Variants in RSRC1 observed in about 807,000 individuals in gnomAD.
RSRC1 encodes serine/Arginine-related protein 53.
A neutral mutation model predicts 49.1 loss-of-function variants in RSRC1; 39 were observed. The observed-to-expected ratio is 0.79, with a 90% CI of 0.61 to 1.04. The LOEUF (loss-of-function observed/expected upper bound fraction) is 1.04. RSRC1 is among the 50% of genes least tolerant of loss of function. RSRC1 has a pLI of 0.00. For synonymous variants in RSRC1, 143 were observed against 130.8 expected, an observed-to-expected ratio of 1.09 and a Z score of -0.63; for missense variants, 388 against 402.4, an observed-to-expected ratio of 0.96 and a Z score of 0.31.
intron 4 of RSRC1, among the ~76,000 whole-genome samples, chr3:158,256,786 G>T (rs1403608676): frequency 1.3e-5 from 2 of 152,044 alleles, no homozygotes; most frequent in African/African-American, 4.8e-5. Flanking sequence ...AGTTCGTCCT[G>T]GTTTAGTCTT....
chr3:158,199,480 G>A (rs1720896560), intron 3 of RSRC1, among the ~76,000 whole-genome samples: 1 of 152,014 alleles, frequency 6.6e-6, no homozygotes, highest in African/African-American at 2.4e-5. Flanking sequence ...CAGGGTACTA[G>A]ATTTTGACTT....
At chr3:158,120,380 A>T (rs1385315046) in intron 1 of RSRC1, among the ~76,000 whole-genome samples, 1 of 151,630 alleles carries the variant, frequency 6.6e-6, no homozygotes, top group African/African-American at 2.4e-5. Flanking sequence ...GTCCTAAGAG[A>T]TTTTTTCAAC....
chr3:158,280,251 G>A (rs531898094), intron 4 of RSRC1, among the ~76,000 whole-genome samples: 1 of 152,232 alleles, frequency 6.6e-6, no homozygotes, highest in Non-Finnish European at 1.5e-5. Flanking sequence ...GAGCGAGCAT[G>A]ACAGTGGAAT....
chr3:158,478,746 G>A (rs1020439593), intron 7 of RSRC1, among the ~76,000 whole-genome samples: 1 of 151,962 alleles, frequency 6.6e-6, no homozygotes, highest in Non-Finnish European at 1.5e-5. Context: ...AACCTAGTTA[G>A]TAGAAATGAT....
chr3:158,114,872 G>A lies in RSRC1; in HGVS notation c.-3+4649G>A, dbSNP rs537632466. ...TTTTGTATCCTGAAACATTACTGAAGTTGCTTGTCAGCTTAATAAGCTTTT... is the reference window on the plus strand; with the variant it reads ...TTTTGTATCCTGAAACATTACTGAAATTGCTTGTCAGCTTAATAAGCTTTT... On this transcript the variant is annotated intron_variant, in intron 1 of 9. Coordinates refer to ENST00000611884, the MANE Select transcript of RSRC1 (RefSeq NM_001271838.2). 2.0e-5 allele frequency among the ~76,000 whole-genome samples: 3 copies of A among 152,296 alleles called. No homozygotes were observed. The East Asian group carries it at 5.8e-4, about 29-fold the overall frequency.
intron 7 of RSRC1, among the ~76,000 whole-genome samples, chr3:158,534,194 ATAGAC>A (rs1712584661): frequency 1.3e-5 from 2 of 151,736 alleles, no homozygotes. Context: ...TTTCCCACAA[ATAGAC>A]TAGAACTTGC....
At chr3:158,479,772 T>G (rs953050945) in intron 7 of RSRC1, among the ~76,000 whole-genome samples, 6 of 152,074 alleles carry the variant, frequency 3.9e-5, no homozygotes, top group South Asian at 4.1e-4. Context: ...TTTGTGATAT[T>G]GCCTGTAGGT....
At position 158,544,196 on chromosome 3, in the gene RSRC1, A is replaced by G. The variant is rs1361171351; in HGVS notation, c.926A>G (p.Lys309Arg). 13 of 1,611,044 alleles carry G rather than the reference A, an allele frequency of 8.1e-6. No individual in the cohort carries two copies. The highest frequency in any genetic ancestry group is 9.3e-6 in the Non-Finnish European group (11 of 1,178,350). Residue 309 changes from lysine to arginine, a missense_variant, in exon 10 of 10, where the codon AAA (lysine) becomes AGA (arginine). Physicochemically the swap from Lys to Arg is conservative, Grantham distance 26. Transcript: ENST00000611884. The stretch of plus-strand genomic sequence containing the variant: ...TTCTTATTTCAGTTATTTATCGAGA[A>G]AGCTGATGCTGAGGAAAAATGGTTC... ...SLAHPNLFIE[K>R]ADAEEKWFKR...
At chr3:158,150,948 G>T (rs1305773540) in intron 3 of RSRC1, among the ~76,000 whole-genome samples, 2 of 152,070 alleles carry the variant, frequency 1.3e-5, no homozygotes, top group Admixed American at 6.6e-5. Context: ...AGTCAGATTT[G>T]CCATTACTTC....
chr3:158,391,132 A>G (rs1262316573), intron 6 of RSRC1, among the ~76,000 whole-genome samples: 1 of 152,128 alleles, frequency 6.6e-6, no homozygotes, highest in Admixed American at 6.6e-5. Context: ...TCATTGTTGC[A>G]TTTATCTTCT....
intron 3 of RSRC1, among the ~76,000 whole-genome samples, chr3:158,142,742 A>T (rs1461525986): frequency 1.3e-5 from 2 of 150,340 alleles, no homozygotes; most frequent in African/African-American, 4.9e-5. Context: ...TTCATGAGAG[A>T]TCCACCCTGA....
intron 4 of RSRC1, among the ~76,000 whole-genome samples, chr3:158,235,102 T>C (rs879709473): frequency 3.3e-5 from 5 of 152,092 alleles, no homozygotes; most frequent in Non-Finnish European, 7.4e-5. Context: ...CACCACCCAG[T>C]AGTAGTGAGC....
At chr3:158,414,386 A>G (rs989282861) in intron 6 of RSRC1, among the ~76,000 whole-genome samples, 4 of 151,920 alleles carry the variant, frequency 2.6e-5, no homozygotes, top group African/African-American at 4.8e-5. Context: ...AACAACACAC[A>G]CTGGGGCCTG....
chr3:158,177,699 G>C (rs543313399), intron 3 of RSRC1, among the ~76,000 whole-genome samples: 4 of 152,102 alleles, frequency 2.6e-5, no homozygotes, highest in Non-Finnish European at 5.9e-5. Flanking sequence ...TGTAAATGAC[G>C]AGTTGATGGG....
intron 7 of RSRC1, among the ~76,000 whole-genome samples, chr3:158,484,511 G>A (rs756041742): frequency 6.6e-6 from 1 of 152,030 alleles, no homozygotes; most frequent in Non-Finnish European, 1.5e-5. Context: ...GGATTTGCTG[G>A]TCTGTAAAGT....
intron 5 of RSRC1, among the ~76,000 whole-genome samples, chr3:158,332,051 C>G (rs1418639356): frequency 6.6e-6 from 1 of 151,818 alleles, no homozygotes; most frequent in Non-Finnish European, 1.5e-5. Context: ...AGAGGAGTCA[C>G]AAAGAGACTA....
intron 7 of RSRC1, among the ~76,000 whole-genome samples, chr3:158,461,479 C>T (rs1284762944): frequency 6.6e-6 from 1 of 151,874 alleles, no homozygotes; most frequent in African/African-American, 2.4e-5. Flanking sequence ...TAAAAAACAA[C>T]ATTTAGGCCA....
intron 3 of RSRC1, among the ~76,000 whole-genome samples, chr3:158,202,641 G>A (rs891181015): frequency 2.1e-5 from 3 of 144,418 alleles, no homozygotes; most frequent in African/African-American, 7.9e-5. Flanking sequence ...TTACTGTAAT[G>A]CATTTAATAC....
In RSRC1 at chr3:158,468,848, A is replaced by C. The variant is rs1251764161; in HGVS notation, c.652+7845A>C. On this transcript the variant is annotated intron_variant, in intron 7 of 9. Coordinates refer to ENST00000611884, the MANE Select transcript of RSRC1 (RefSeq NM_001271838.2). ...AACACCTTTACAAAATTAATTAAAA[A>C]GTTAATAAAATTAAATCACAAGGCT... Among the ~76,000 whole-genome samples the C allele has an allele frequency of 2.0e-5, 3 of 152,220 alleles. No homozygotes were observed. The East Asian group carries it at 5.8e-4, about 29-fold the overall frequency.
Sources: allele counts gnomAD v4.1 joint callset (sites outside exome capture counted in the v4.1 genomes callset), GRCh38; gene constraint gnomAD v4.1.1; transcripts MANE v1.5; gene names NCBI Gene and HGNC (gene_info 2026-07-23, HGNC 2026-07-21).